SOX5: variants seen among roughly 807,000 people sequenced by gnomAD.
SOX5 encodes SRY-box transcription factor 5.
A neutral mutation model predicts 92.0 loss-of-function variants in SOX5; 9 were observed. That is an observed-to-expected ratio of 0.10 (90% CI 0.06 to 0.17). SOX5 has a LOEUF of 0.17. Among genes scored for constraint, SOX5 ranks in the 10% least tolerant of loss-of-function variants. The pLI, the probability that SOX5 is intolerant of heterozygous loss-of-function variation, is 1.00. For missense variants in SOX5, 642 were observed against 944.5 expected (o/e 0.68, Z 4.20); for synonymous variants, 344 against 336.3 (o/e 1.02, Z -0.25).
chr12:23,645,350 T>C (rs919115867), intron 7 of SOX5, among the ~76,000 whole-genome samples: 5 of 152,178 alleles, frequency 3.3e-5, no homozygotes, highest in East Asian at 1.9e-4. Flanking sequence ...TAACAGGTGA[T>C]AGAATAAAGT....
At chr12:24,069,856 G>A (rs1941483060) in intron 4 of SOX5, among the ~76,000 whole-genome samples, 1 of 152,126 alleles carries the variant, frequency 6.6e-6, no homozygotes, top group African/African-American at 2.4e-5. Context: ...ACAATCTGGA[G>A]TCCATTCAAT....
chr12:23,563,035 C>G (rs1208681331), intron 11 of SOX5, among the ~76,000 whole-genome samples: 1 of 152,116 alleles, frequency 6.6e-6, no homozygotes, highest in Non-Finnish European at 1.5e-5. Context: ...AGGGGATATT[C>G]ATTGTCAATA....
intron 2 of SOX5, among the ~76,000 whole-genome samples, chr12:24,295,928 T>A (rs1196775019): frequency 2.0e-5 from 3 of 152,276 alleles, no homozygotes; most frequent in Middle Eastern, 6.8e-3. Flanking sequence ...ATAGACTATA[T>A]GAATCAGGAC....
chr12:23,714,637 A>G (rs1003210330), intron 6 of SOX5, among the ~76,000 whole-genome samples: 5 of 151,454 alleles, frequency 3.3e-5, no homozygotes, highest in African/African-American at 9.7e-5. Flanking sequence ...CAAGCAAACA[A>G]CAAAAAAAAC....
At chr12:23,959,906 T>G (rs117855158) in intron 4 of SOX5, among the ~76,000 whole-genome samples, 3,087 of 152,300 alleles carry the variant, frequency 0.02, 40 homozygotes, top group Non-Finnish European at 0.031. Flanking sequence ...ACTATATCAT[T>G]CATTTCATAA....
intron 4 of SOX5, among the ~76,000 whole-genome samples, chr12:24,013,707 A>G (rs2136566702): frequency 1.3e-5 from 2 of 152,330 alleles, no homozygotes; most frequent in Middle Eastern, 6.8e-3. Flanking sequence ...AGCTTAACAA[A>G]TAGAAGACCA....
intron 4 of SOX5, among the ~76,000 whole-genome samples, chr12:24,008,322 A>G (rs1222126940): frequency 6.6e-6 from 1 of 152,158 alleles, no homozygotes; most frequent in African/African-American, 2.4e-5. Context: ...GCATTCTACA[A>G]TGGGCCTTGA....
intron 4 of SOX5, among the ~76,000 whole-genome samples, chr12:24,175,115 A>G (rs544273801): frequency 6.6e-6 from 1 of 152,336 alleles, no homozygotes; most frequent in South Asian, 2.1e-4. Context: ...TGTTAGTTAT[A>G]TTTGGAATCA....
At chr12:24,517,794 A>G (rs1949929420) in intron 1 of SOX5, among the ~76,000 whole-genome samples, 1 of 151,876 alleles carries the variant, frequency 6.6e-6, no homozygotes, top group Non-Finnish European at 1.5e-5. Context: ...TCAGCAAAAC[A>G]TTAAAAGCTG....
intron 3 of SOX5, among the ~76,000 whole-genome samples, chr12:24,221,003 C>A (rs1056435473): frequency 6.6e-6 from 1 of 152,156 alleles, no homozygotes; most frequent in African/African-American, 2.4e-5. Flanking sequence ...TGGTTAACTC[C>A]ACTTAACAAA....
intron 4 of SOX5, among the ~76,000 whole-genome samples, chr12:23,749,991 T>C (rs533904210): frequency 2.0e-4 from 31 of 151,884 alleles, no homozygotes; most frequent in African/African-American, 6.7e-4. Flanking sequence ...TAGGGACAGA[T>C]CTAAGGACGG....
At chr12:24,369,015 T>A (rs545288024) in intron 1 of SOX5, among the ~76,000 whole-genome samples, 1 of 152,210 alleles carries the variant, frequency 6.6e-6, no homozygotes, top group Non-Finnish European at 1.5e-5. Context: ...TTAATCTTGC[T>A]AAATCCAGCT....
chr12:24,489,094 A>G (rs1946800328), intron 1 of SOX5, among the ~76,000 whole-genome samples: 1 of 152,088 alleles, frequency 6.6e-6, no homozygotes, highest in African/African-American at 2.4e-5. Flanking sequence ...CCAATGTGAA[A>G]CCCCTCAGGC....
At chr12:23,695,049 A>T (rs112892549) in intron 6 of SOX5, among the ~76,000 whole-genome samples, 4,471 of 151,240 alleles carry the variant, frequency 0.03, 233 homozygotes, top group African/African-American at 0.1. Flanking sequence ...GAGCCTGGGA[A>T]GTCGGGGCTG....
intron 4 of SOX5, among the ~76,000 whole-genome samples, chr12:23,993,921 AT>A (rs1486303247): frequency 1.3e-4 from 19 of 151,890 alleles, no homozygotes; most frequent in Non-Finnish European, 2.4e-4. Context: ...GTATGCATGT[AT>A]GCATGTATGT....
intron 1 of SOX5, among the ~76,000 whole-genome samples, chr12:24,533,522 A>C (rs1244590004): frequency 6.6e-6 from 1 of 152,202 alleles, no homozygotes; most frequent in East Asian, 1.9e-4. Flanking sequence ...GGGATAAAGA[A>C]GGTATGTTGT....
chr12:23,605,323 G>T (rs1241089974), intron 8 of SOX5, among the ~76,000 whole-genome samples: 1 of 151,298 alleles, frequency 6.6e-6, no homozygotes, highest in Non-Finnish European at 1.5e-5. Flanking sequence ...CAAGGAAGTT[G>T]CTTTAAATTC....
chr12:24,523,313 C>G (rs777715400), intron 1 of SOX5, among the ~76,000 whole-genome samples: 4 of 152,192 alleles, frequency 2.6e-5, no homozygotes, highest in Middle Eastern at 3.4e-3. Flanking sequence ...GTCCATACTA[C>G]CCAAAATGAT....
intron 3 of SOX5, among the ~76,000 whole-genome samples, chr12:23,844,441 T>A (rs2096552987): frequency 6.6e-6 from 1 of 152,078 alleles, no homozygotes; most frequent in Admixed American, 6.6e-5. Context: ...AGGTTAAGAA[T>A]CCTATTAACC....
Sources: allele counts gnomAD v4.1 joint callset (sites outside exome capture counted in the v4.1 genomes callset), GRCh38; gene constraint gnomAD v4.1.1; transcripts MANE v1.5; gene names NCBI Gene and HGNC (gene_info 2026-07-23, HGNC 2026-07-21).